Variants in MNS1 observed in about 807,000 individuals in gnomAD.
MNS1 encodes the protein meiosis-specific nuclear structural protein 1.
Under a neutral mutation model 72.0 loss-of-function variants are expected in MNS1, and 63 were observed. The ratio of observed to expected loss-of-function variants is 0.87; its 90% CI spans 0.71 to 1.08. MNS1 has a LOEUF of 1.08. MNS1 is among the 50% of genes least tolerant of loss of function. The probability of loss-of-function intolerance (pLI) is 0.00; values close to 1 mark genes in which losing one functional copy is unlikely to be tolerated. For synonymous variants in MNS1, 188 were observed against 172.1 expected, an observed-to-expected ratio of 1.09 and a Z score of -0.72; for missense variants, 604 against 562.4, an observed-to-expected ratio of 1.07 and a Z score of -0.75.
chr15:56,430,520 T>G (rs552119461), intron 9 of MNS1, among the ~76,000 whole-genome samples: 1 of 152,330 alleles, frequency 6.6e-6, no homozygotes, highest in South Asian at 2.1e-4. Flanking sequence ...ACTATTTTAT[T>G]TGAAGTCACA....
At chr15:56,434,079 T>C (rs1229075658) in intron 8 of MNS1, 59 bp downstream of exon 8, 6 of 1,526,864 alleles carry the variant, frequency 3.9e-6, no homozygotes, top group African/African-American at 2.8e-5. Context: ...TAGTGGATGA[T>C]AGATGAGCTA....
At chr15:56,447,497 A>G (rs1208469024) in intron 3 of MNS1, 1 of 152,026 alleles carries the variant, frequency 6.6e-6, no homozygotes, top group Non-Finnish European at 1.5e-5. Context: ...TTATTTTGGT[A>G]GTTTTATACT....
chr15:56,446,836 A>T lies in MNS1; in HGVS notation c.456+5T>A. 6.3e-7 allele frequency: 1 copy of T among 1,588,888 alleles called. No individual in the cohort carries two copies. The highest frequency in any genetic ancestry group is 8.6e-7 in the Non-Finnish European group (1 of 1,160,952). Reference sequence around the variant, plus strand: ...TAAAAACATAATGACCAGAAACATGATTACCATTTGTTCATATTTAATGGC... The same window carrying T: ...TAAAAACATAATGACCAGAAACATGTTTACCATTTGTTCATATTTAATGGC... On this transcript the variant is annotated splice_donor_5th_base_variant and intron_variant, in intron 4 of 9. Coordinates refer to ENST00000260453, the MANE Select transcript of MNS1 (RefSeq NM_018365.4).
chr15:56,451,439 C>T (rs1596266139), intron 3 of MNS1, among the ~76,000 whole-genome samples: 3 of 152,264 alleles, frequency 2.0e-5, no homozygotes, highest in Middle Eastern at 6.8e-3. Flanking sequence ...CCTTTGAATG[C>T]TACCCAAATT....
intron 4 of MNS1, among the ~76,000 whole-genome samples, chr15:56,446,591 G>C (rs543836966): frequency 1.3e-5 from 2 of 151,950 alleles, no homozygotes; most frequent in East Asian, 3.9e-4. Flanking sequence ...ATCAGTTAGA[G>C]ACTATAAAGA....
intron 7 of MNS1, among the ~76,000 whole-genome samples, chr15:56,441,045 C>A (rs1363138396): frequency 1.3e-5 from 2 of 152,094 alleles, no homozygotes; most frequent in African/African-American, 4.8e-5. Context: ...CCTCTAAGCA[C>A]TGCATTAACT....
chr15:56,438,801 TCAAA>T (rs1236169190), intron 7 of MNS1, among the ~76,000 whole-genome samples: 9 of 151,518 alleles, frequency 5.9e-5, no homozygotes, highest in Non-Finnish European at 8.9e-5. Context: ...CAAGAAAAAA[TCAAA>T]CAACCCCATC....
At chr15:56,430,548 A>C (rs2050560308) in intron 9 of MNS1, among the ~76,000 whole-genome samples, 1 of 152,186 alleles carries the variant, frequency 6.6e-6, no homozygotes, top group Non-Finnish European at 1.5e-5. Flanking sequence ...TCAGGTATAC[A>C]TTAAAATTCA....
At chr15:56,436,901 G>T (rs1253660943) in intron 7 of MNS1, among the ~76,000 whole-genome samples, 1 of 152,104 alleles carries the variant, frequency 6.6e-6, no homozygotes, top group East Asian at 1.9e-4. Flanking sequence ...AGACTAAGCT[G>T]GGAAGAAGTT....
At chr15:56,455,264 A>G (rs56175232) in intron 3 of MNS1, among the ~76,000 whole-genome samples, 1 of 133,952 alleles carries the variant, frequency 7.5e-6, no homozygotes. Flanking sequence ...AAAAAAAAAA[A>G]AAAAAAACCA....
chr15:56,460,013 C>A (rs1711491), intron 2 of MNS1, among the ~76,000 whole-genome samples: 8,309 of 34,412 alleles, frequency 0.24, 1,905 homozygotes, highest in Non-Finnish European at 0.32. Context: ...AAAAAAAATA[C>A]ATATATATAT....
chr15:56,456,716 A>G (rs1410042657), intron 2 of MNS1, among the ~76,000 whole-genome samples, 195 bp from the exon 3 acceptor site: 4 of 152,176 alleles, frequency 2.6e-5, no homozygotes, highest in Non-Finnish European at 5.9e-5. Context: ...AGTATTGCCA[A>G]TAGTAAGAAG....
intron 2 of MNS1, among the ~76,000 whole-genome samples, chr15:56,460,760 T>C (rs1304699669): frequency 6.6e-6 from 1 of 152,176 alleles, no homozygotes; most frequent in Non-Finnish European, 1.5e-5. Flanking sequence ...ACCCAAGTTT[T>C]CTTGAAATAT....
intron 7 of MNS1, among the ~76,000 whole-genome samples, chr15:56,435,739 A>G (rs2050712993): frequency 1.3e-5 from 2 of 151,976 alleles, no homozygotes; most frequent in South Asian, 2.1e-4. Context: ...ATTCTATCAA[A>G]TATTTAAAAA....
chr15:56,437,482 A>G (rs1596256977), intron 7 of MNS1, among the ~76,000 whole-genome samples: 1 of 152,334 alleles, frequency 6.6e-6, no homozygotes, highest in African/African-American at 2.4e-5. Flanking sequence ...AATAAGAGCT[A>G]TTTATGACAA....
chr15:56,445,507 T>C (rs1333355930), intron 4 of MNS1, among the ~76,000 whole-genome samples: 1 of 152,070 alleles, frequency 6.6e-6, no homozygotes, highest in African/African-American at 2.4e-5. Flanking sequence ...CTGACGTCAC[T>C]GAAGCCTTTA....
intron 9 of MNS1, chr15:56,429,453 C>G: frequency 3.0e-6 from 1 of 335,046 alleles, no homozygotes. Flanking sequence ...AGCTCTTCTA[C>G]AAGTTCTACT....
At position 56,431,366 on chromosome 15, in the gene MNS1, CACTT is replaced by C; in HGVS notation, c.1395+3_1395+6del. The C allele has an allele frequency of 6.2e-7, 1 of 1,608,960 alleles. No homozygotes were observed. Among genetic ancestry groups the C allele is most frequent in the Non-Finnish European group, 8.5e-7 (1 of 1,178,304 alleles). On this transcript the variant is annotated splice_donor_5th_base_variant and intron_variant, in intron 9 of 9. Transcript: ENST00000260453. ...GAAGATTACAACTTGAGATAAATCT[CACTT>C]ACTTTAGGGAGATAGCCTAGTAAGT...
chr15:56,444,361 T>C, intron 5 of MNS1, 83 bp downstream of exon 5: 10 of 1,175,728 alleles, frequency 8.5e-6, no homozygotes, highest in Non-Finnish European at 1.2e-5. Context: ...GGCACTGTTC[T>C]AGGTGCTTCA....
Sources: allele counts gnomAD v4.1 joint callset (sites outside exome capture counted in the v4.1 genomes callset), GRCh38; gene constraint gnomAD v4.1.1; transcripts MANE v1.5; gene names NCBI Gene and HGNC (gene_info 2026-07-23, HGNC 2026-07-21).